The following SPHKAP variants were observed in gnomAD, a reference collection of about 807,000 sequenced individuals.
SPHKAP encodes A-kinase anchor protein SPHKAP.
In SPHKAP, 67 loss-of-function variants were observed where a neutral mutation model predicts 137.5. That is an observed-to-expected ratio of 0.49 (90% CI 0.40 to 0.60). The LOEUF is 0.60. Ranked by LOEUF, SPHKAP falls within the 20% of genes least tolerant of loss-of-function variation. SPHKAP has a pLI of 0.00. For missense variants in SPHKAP, 2,097 were observed against 2,069.3 expected, an observed-to-expected ratio of 1.01 and a Z score of -0.26; for synonymous variants, 813 against 785.3, an observed-to-expected ratio of 1.04 and a Z score of -0.59.
chr2:228,012,481 A>G (rs557682867), intron 7 of SPHKAP, among the ~76,000 whole-genome samples: 2 of 152,292 alleles, frequency 1.3e-5, no homozygotes, highest in East Asian at 3.9e-4. Flanking sequence ...TCTCAATGCC[A>G]ACATCCTATC....
chr2:228,129,068 T>A (rs114467624), intron 2 of SPHKAP, among the ~76,000 whole-genome samples: 1 of 152,172 alleles, frequency 6.6e-6, no homozygotes, highest in Non-Finnish European at 1.5e-5. Context: ...TCAGAGCACA[T>A]ACATTTATTG....
At chr2:228,098,075 G>A (rs1283038401) in intron 3 of SPHKAP, among the ~76,000 whole-genome samples, 1 of 152,106 alleles carries the variant, frequency 6.6e-6, no homozygotes, top group East Asian at 1.9e-4. Context: ...TTCCACAGTG[G>A]CTGAACTAAT....
chr2:228,123,021 G>A (rs1251685775), intron 2 of SPHKAP, among the ~76,000 whole-genome samples: 1 of 152,040 alleles, frequency 6.6e-6, no homozygotes, highest in Non-Finnish European at 1.5e-5. Context: ...ACTGCCAAAG[G>A]TATCTCACCC....
Position 228,016,894 on chromosome 2 carries a change from C to G in SPHKAP, c.3960G>C (p.Lys1320Asn). ...WASSIEALMR[K>N]NKIIVDDAEE... is the part of the protein sequence containing the mutation. ...CTGCATCATCCACAATGATTTTGTT[C>G]TTGCGCATGAGAGCCTCAATGGAGC... The change falls in exon 7 of 12, where the codon AAG (lysine) becomes AAC (asparagine). Residue 1320 changes from lysine to asparagine, a missense_variant. Coordinates refer to ENST00000392056, the MANE Select transcript of SPHKAP (RefSeq NM_001142644.2). 1.9e-6 allele frequency: 3 copies of G among 1,614,106 alleles called. No homozygotes were observed. Among genetic ancestry groups the G allele is most frequent in the Non-Finnish European group, 2.5e-6 (3 of 1,180,024 alleles).
rs998506016 is a variant in SPHKAP, at chr2:227,981,156, G to C, written c.*561C>G. The C allele has an allele frequency of 9.9e-5, 15 of 152,200 alleles. No homozygotes were observed. Among genetic ancestry groups the C allele is most frequent in the African/African-American group, 3.6e-4 (15 of 41,454 alleles). 9.4% of individuals were successfully genotyped at this position (152,200 alleles called of 1,614,324 possible). ...AATAAATGAAATCACCTCAGTAGAG[G>C]ATGCTGCTATACTTTTATCAATGTC... is the stretch of plus-strand genomic sequence containing the variant. On this transcript the variant is annotated 3_prime_UTR_variant, in exon 12 of 12. Coordinates refer to ENST00000392056, the MANE Select transcript of SPHKAP (RefSeq NM_001142644.2).
At chr2:228,049,604 A>C (rs947372007) in intron 3 of SPHKAP, among the ~76,000 whole-genome samples, 2 of 152,168 alleles carry the variant, frequency 1.3e-5, no homozygotes, top group South Asian at 2.1e-4. Context: ...TCACCCAGCT[A>C]GTGAGCATAA....
chr2:228,004,550 A>G (rs889803547), intron 7 of SPHKAP, among the ~76,000 whole-genome samples: 2 of 151,928 alleles, frequency 1.3e-5, no homozygotes, highest in Non-Finnish European at 2.9e-5. Context: ...TTGTGTCTCT[A>G]TCTCCTTCAG....
At chr2:228,024,519 C>T (rs535025531) in intron 5 of SPHKAP, among the ~76,000 whole-genome samples, 13 of 152,174 alleles carry the variant, frequency 8.5e-5, no homozygotes, top group East Asian at 7.7e-4. Flanking sequence ...ATGTGATTAC[C>T]TGGAAATAAA....
At chr2:228,117,131 C>T (rs773756645) in intron 2 of SPHKAP, among the ~76,000 whole-genome samples, 60 of 152,170 alleles carry the variant, frequency 3.9e-4, no homozygotes, top group African/African-American at 8.9e-4. Flanking sequence ...TAAGTATATA[C>T]GTATTCAATT....
intron 3 of SPHKAP, among the ~76,000 whole-genome samples, chr2:228,054,302 T>G (rs1206177056): frequency 6.6e-6 from 1 of 152,082 alleles, no homozygotes; most frequent in African/African-American, 2.4e-5. Flanking sequence ...AAAGTGCATA[T>G]GAGGGTGAGA....
At chr2:227,984,315 A>AG (rs954429057) in intron 11 of SPHKAP, among the ~76,000 whole-genome samples, 11 of 150,872 alleles carry the variant, frequency 7.3e-5, no homozygotes, top group Non-Finnish European at 1.3e-4. Flanking sequence ...AAAAAAAAAA[A>AG]AAAGAAAGAA....
intron 3 of SPHKAP, among the ~76,000 whole-genome samples, chr2:228,034,107 G>C (rs1222846841): frequency 6.6e-6 from 1 of 152,142 alleles, no homozygotes; most frequent in East Asian, 1.9e-4. Flanking sequence ...TTTTTGAAAA[G>C]ATCAACAAAA....
rs566627487 is a variant in SPHKAP, at chr2:228,180,688, C to A, written c.32+879G>T. Among the ~76,000 whole-genome samples the A allele has an allele frequency of 5.3e-5, 8 of 152,320 alleles. No individual in the cohort carries two copies. The East Asian group carries it at 1.5e-3, about 29-fold the overall frequency. On this transcript the variant is annotated intron_variant, in intron 1 of 11. Coordinates refer to ENST00000392056, the MANE Select transcript of SPHKAP (RefSeq NM_001142644.2). Reference sequence around the variant, plus strand: ...CCCGGCGCGAGCGCTCCGCGCCCAGCGAGCGCAAAGAGCGCAAAGGCCACC... The same window carrying A: ...CCCGGCGCGAGCGCTCCGCGCCCAGAGAGCGCAAAGAGCGCAAAGGCCACC...
intron 3 of SPHKAP, among the ~76,000 whole-genome samples, chr2:228,029,121 T>C (rs1042128805): frequency 1.3e-5 from 2 of 152,162 alleles, no homozygotes; most frequent in African/African-American, 2.4e-5. Context: ...TTAGGTCTAG[T>C]TAGGTTTGGG....
At chr2:228,031,224 G>C (rs528633105) in intron 3 of SPHKAP, among the ~76,000 whole-genome samples, 1 of 152,210 alleles carries the variant, frequency 6.6e-6, no homozygotes, top group Non-Finnish European at 1.5e-5. Context: ...ATTATATCCC[G>C]CACCTGGCTC....
chr2:228,153,064 G>GT (rs1699986663), intron 1 of SPHKAP, among the ~76,000 whole-genome samples: 1 of 152,072 alleles, frequency 6.6e-6, no homozygotes, highest in Non-Finnish European at 1.5e-5. Flanking sequence ...CTGCTGCCAT[G>GT]TAAGATGTGC....
chr2:228,057,211 G>A (rs1696479323), intron 3 of SPHKAP, among the ~76,000 whole-genome samples: 1 of 152,070 alleles, frequency 6.6e-6, no homozygotes, highest in African/African-American at 2.4e-5. Flanking sequence ...TCATACTTTA[G>A]CTAATGATTA....
intron 3 of SPHKAP, among the ~76,000 whole-genome samples, chr2:228,101,238 C>A (rs1356235018): frequency 6.6e-6 from 1 of 152,204 alleles, no homozygotes; most frequent in Non-Finnish European, 1.5e-5. Context: ...CTAGAAGCAT[C>A]CATACACCTA....
At chr2:228,058,593 T>C (rs542669843) in intron 3 of SPHKAP, among the ~76,000 whole-genome samples, 1 of 152,216 alleles carries the variant, frequency 6.6e-6, no homozygotes, top group Non-Finnish European at 1.5e-5. Flanking sequence ...CCCCGTTCAC[T>C]AACCAGAACA....
Sources: allele counts gnomAD v4.1 joint callset (sites outside exome capture counted in the v4.1 genomes callset), GRCh38; gene constraint gnomAD v4.1.1; transcripts MANE v1.5; gene names NCBI Gene and HGNC (gene_info 2026-07-23, HGNC 2026-07-21).